TBC1D8: variants seen among roughly 807,000 people sequenced by gnomAD.
TBC1D8 encodes BUB2-like protein 1.
Under a neutral mutation model 118.8 loss-of-function variants are expected in TBC1D8, and 65 were observed. The observed-to-expected ratio is 0.55, with a 90% CI of 0.45 to 0.67. TBC1D8 has a LOEUF of 0.67. Among genes scored for constraint, TBC1D8 ranks in the 30% least tolerant of loss-of-function variants. TBC1D8 has a pLI of 0.00. For synonymous variants in TBC1D8, 566 were observed against 595.8 expected (o/e 0.95, Z 0.73); for missense variants, 1,376 against 1,471.2 (o/e 0.94, Z 1.06).
At chr2:101,103,479 C>T (rs368386144) in intron 1 of TBC1D8, among the ~76,000 whole-genome samples, 53 of 151,754 alleles carry the variant, frequency 3.5e-4, no homozygotes, top group African/African-American at 1.1e-3. Context: ...GCAAGCTCCG[C>T]CTCCCAGGTT....
At chr2:101,078,001 C>T (rs1674956356) in intron 2 of TBC1D8, among the ~76,000 whole-genome samples, 1 of 152,134 alleles carries the variant, frequency 6.6e-6, no homozygotes, top group African/African-American at 2.4e-5. Flanking sequence ...GATGGCTCCA[C>T]CCGGACCCAC....
At chr2:101,139,789 C>A (rs1679022321) in intron 1 of TBC1D8, among the ~76,000 whole-genome samples, 1 of 152,212 alleles carries the variant, frequency 6.6e-6, no homozygotes, top group Non-Finnish European at 1.5e-5. Flanking sequence ...GAGATCACAG[C>A]TCCTCAGAGA....
At chr2:101,140,807 G>A (rs1679069167) in intron 1 of TBC1D8, among the ~76,000 whole-genome samples, 1 of 146,642 alleles carries the variant, frequency 6.8e-6, no homozygotes, top group Non-Finnish European at 1.5e-5. Flanking sequence ...TTGTCGCTCA[G>A]GCTGGAGTGC....
At chr2:101,012,113 T>C (rs929534487) in intron 17 of TBC1D8, among the ~76,000 whole-genome samples, 4 of 152,216 alleles carry the variant, frequency 2.6e-5, no homozygotes, top group Admixed American at 6.5e-5. Flanking sequence ...ATATTGACGA[T>C]GGGAATATAA....
At chr2:101,150,962 G>A (rs1321602154) in intron 1 of TBC1D8, among the ~76,000 whole-genome samples, 165 bp downstream of exon 1, 5 of 151,852 alleles carry the variant, frequency 3.3e-5, no homozygotes, top group Admixed American at 2.0e-4. Flanking sequence ...GAGCCCGCGG[G>A]AGAAACGCAG....
At chr2:101,122,553 C>T (rs1405480047) in intron 1 of TBC1D8, among the ~76,000 whole-genome samples, 3 of 151,996 alleles carry the variant, frequency 2.0e-5, no homozygotes, top group Non-Finnish European at 4.4e-5. Context: ...TTTGTTTTCT[C>T]ATTTAAATAG....
intron 4 of TBC1D8, among the ~76,000 whole-genome samples, chr2:101,052,264 A>T (rs1003938656): frequency 4.2e-4 from 64 of 152,334 alleles, no homozygotes; most frequent in African/African-American, 1.4e-3. Context: ...ATGAAACTTT[A>T]AAAAAGTAAC....
intron 2 of TBC1D8, among the ~76,000 whole-genome samples, chr2:101,072,137 T>C (rs1674492241): frequency 6.6e-6 from 1 of 152,232 alleles, no homozygotes; most frequent in South Asian, 2.1e-4. Context: ...TCTTTTTTTC[T>C]GAGCATTAGG....
At chr2:101,016,771 G>T (rs1679672632) in intron 17 of TBC1D8, among the ~76,000 whole-genome samples, 1 of 152,148 alleles carries the variant, frequency 6.6e-6, no homozygotes, top group East Asian at 1.9e-4. Context: ...CATGTCCTTT[G>T]TAGGGACATG....
intron 15 of TBC1D8, among the ~76,000 whole-genome samples, chr2:101,025,756 G>T (rs938388603): frequency 6.6e-6 from 1 of 152,212 alleles, no homozygotes; most frequent in South Asian, 2.1e-4. Context: ...CTTAGCAGTA[G>T]GAACGCGTTT....
Position 101,007,707 on chromosome 2 carries a change from A to T in TBC1D8, c.*114T>A. On this transcript the variant is annotated 3_prime_UTR_variant, in exon 20 of 20. Transcript: ENST00000409318. ...CCACAGTTTGTCAGGTTGTTTAGCC[A>T]GATGCCCCATTGGTAAGGTAGACTG... 1 of 1,081,286 alleles carries T rather than the reference A, an allele frequency of 9.2e-7. No homozygotes were observed. Among genetic ancestry groups the T allele is most frequent in the Non-Finnish European group, 1.3e-6 (1 of 744,356 alleles). 67.0% of individuals were successfully genotyped at this position (1,081,286 alleles called of 1,614,324 possible). A position where few individuals can be genotyped will look rare whatever the true frequency, so the allele number is the denominator to read the frequency against.
chr2:101,138,531 G>T (rs891440788), intron 1 of TBC1D8, among the ~76,000 whole-genome samples: 2 of 152,140 alleles, frequency 1.3e-5, no homozygotes, highest in Non-Finnish European at 2.9e-5. Flanking sequence ...CTGCACTTCC[G>T]ACCAACCAGC....
At chr2:101,099,372 C>T (rs1558700975) in intron 1 of TBC1D8, among the ~76,000 whole-genome samples, 1 of 152,094 alleles carries the variant, frequency 6.6e-6, no homozygotes, top group African/African-American at 2.4e-5. Context: ...TAATTAATAG[C>T]CCACCAACCA....
At chr2:101,082,850 GT>G (rs1395725433) in intron 2 of TBC1D8, among the ~76,000 whole-genome samples, 3 of 127,160 alleles carry the variant, frequency 2.4e-5, no homozygotes, top group Non-Finnish European at 5.2e-5. Context: ...GAGATGGATG[GT>G]GGTGATGGTT....
chr2:101,017,891 T>G, intron 17 of TBC1D8: 2 of 1,550,952 alleles, frequency 1.3e-6, no homozygotes, highest in African/African-American at 1.4e-5. Context: ...CAAAACAGAT[T>G]GTCACCATCA....
chr2:101,013,568 T>G (rs1679393866), intron 17 of TBC1D8, among the ~76,000 whole-genome samples: 1 of 152,256 alleles, frequency 6.6e-6, no homozygotes, highest in African/African-American at 2.4e-5. Context: ...GACTTCTGTT[T>G]GAAGGTAGTA....
intron 1 of TBC1D8, among the ~76,000 whole-genome samples, chr2:101,147,405 G>A (rs1464185054): frequency 2.6e-5 from 4 of 152,162 alleles, no homozygotes; most frequent in African/African-American, 7.2e-5. Context: ...GTCCTCCATA[G>A]TGGCAATATT....
In TBC1D8 at chr2:101,027,438, A is replaced by G; in HGVS notation, c.2465T>C (p.Ile822Thr). Reference protein sequence around the residue: ...TTKQNVLRVVIPEVSILPEDL... With the variant: ...TTKQNVLRVVTPEVSILPEDL... ...TTCAGGAAGAATTGAGACTTCCGGG[A>G]TAACGACTCGAAGCTTGAGGAAAGA... is the stretch of plus-strand genomic sequence containing the variant. The change falls in exon 15 of 20, where the codon ATC becomes ACC. Residue 822 changes from isoleucine (I) to threonine (T), a missense_variant. Ile to Thr is a moderately conservative substitution (Grantham distance 89, BLOSUM62 -1). Transcript: ENST00000409318. The G allele has an allele frequency of 6.2e-7, 1 of 1,613,048 alleles. No individual in the cohort carries two copies. The highest frequency in any genetic ancestry group is 1.1e-5 in the South Asian group (1 of 91,056).
intron 2 of TBC1D8, among the ~76,000 whole-genome samples, chr2:101,082,446 G>A (rs1372112414): frequency 3.3e-5 from 5 of 152,154 alleles, no homozygotes; most frequent in Non-Finnish European, 7.3e-5. Flanking sequence ...CAGCATTCCT[G>A]CTCCCCATGA....
Sources: gnomAD v4.1 joint callset for allele counts (sites outside exome capture counted in the v4.1 genomes callset) on GRCh38, gnomAD v4.1.1 for gene constraint, MANE v1.5 for transcripts, NCBI Gene and HGNC (gene_info 2026-07-23, HGNC 2026-07-21) for gene names.